Variants in CBLB observed in about 807,000 individuals in gnomAD.
CBLB encodes the protein E3 ubiquitin-protein ligase CBL-B.
In CBLB, 31 loss-of-function variants were observed where a neutral mutation model predicts 104.9. The observed-to-expected ratio is 0.30, with a 90% CI of 0.22 to 0.40. The LOEUF is 0.40. Ranked by LOEUF, CBLB falls within the 10% of genes least tolerant of loss-of-function variation. CBLB has a pLI of 1.00. For synonymous variants in CBLB, 440 were observed against 422.6 expected (o/e 1.04, Z -0.51); for missense variants, 1,062 against 1,214.6 (o/e 0.87, Z 1.87).
At chr3:105,802,834 A>G (rs1214261274) in intron 3 of CBLB, among the ~76,000 whole-genome samples, 1 of 152,230 alleles carries the variant, frequency 6.6e-6, no homozygotes, top group Non-Finnish European at 1.5e-5. Flanking sequence ...AATTGTAATG[A>G]AGTTAGCAAA....
At chr3:105,793,866 G>A (rs2081967918) in intron 3 of CBLB, among the ~76,000 whole-genome samples, 1 of 145,756 alleles carries the variant, frequency 6.9e-6, no homozygotes, top group African/African-American at 2.6e-5. Flanking sequence ...AAAAAAGGGT[G>A]ACAAAGAAGC....
At chr3:105,660,018 A>G (rs2063630178) in intron 18 of CBLB, among the ~76,000 whole-genome samples, 1 of 152,172 alleles carries the variant, frequency 6.6e-6, no homozygotes, top group Non-Finnish European at 1.5e-5. Context: ...ACAGCCTCCA[A>G]TTTAAACCAA....
chr3:105,701,941 G>A (rs58943889), intron 12 of CBLB, among the ~76,000 whole-genome samples, 153 bp downstream of exon 12: 467 of 152,062 alleles, frequency 3.1e-3, no homozygotes, highest in African/African-American at 0.011. Context: ...AAGTTTTAAT[G>A]AGCTTCTGAT....
At chr3:105,852,875 G>A (rs1466715710) in intron 3 of CBLB, among the ~76,000 whole-genome samples, 3 of 151,926 alleles carry the variant, frequency 2.0e-5, no homozygotes, top group Admixed American at 6.6e-5. Flanking sequence ...GTGCCACCAC[G>A]CCGGGCTAAT....
chr3:105,702,347 T>C lies in CBLB; in HGVS notation c.1706A>G (p.Asn569Ser), dbSNP rs1305915547. Residue 569 changes from asparagine to serine, a missense_variant, in exon 12 of 19, where the codon AAT becomes AGT. By Grantham distance (46) the Asn-to-Ser change is conservative. Transcript: ENST00000394030. Reference protein sequence around the residue: ...PERPPPIPPDNRLSRHIHHVE... With the variant: ...PERPPPIPPDSRLSRHIHHVE... ...ATGATGGATGTGTCTACTCAGTCTA[T>C]TGTCTGGTGGGATTGGTGGAGGTCT... 2.5e-6 allele frequency: 4 copies of C among 1,613,674 alleles called. No homozygotes were observed. The highest frequency in any genetic ancestry group is 1.7e-5 in the Admixed American group (1 of 59,966).
chr3:105,721,437 A>C (rs2072804173), intron 9 of CBLB, among the ~76,000 whole-genome samples: 1 of 152,176 alleles, frequency 6.6e-6, no homozygotes, highest in African/African-American at 2.4e-5. Flanking sequence ...ATTCTTTCTA[A>C]GTCTCAGTCA....
chr3:105,783,116 G>T (rs1202894610), intron 3 of CBLB, among the ~76,000 whole-genome samples: 1 of 152,094 alleles, frequency 6.6e-6, no homozygotes, highest in Non-Finnish European at 1.5e-5. Context: ...AATTTTTCTA[G>T]TATCTTACAT....
intron 11 of CBLB, among the ~76,000 whole-genome samples, chr3:105,703,183 G>A (rs567962733): frequency 6.6e-6 from 1 of 152,210 alleles, no homozygotes; most frequent in South Asian, 2.1e-4. Flanking sequence ...TGATTGATTT[G>A]TAATTTTAAT....
rs143777344 is a variant in CBLB, at chr3:105,853,440, T to G, written c.393A>C (p.Arg131Ser). Residue 131 changes from arginine to serine, a missense_variant, in exon 3 of 19, where the codon AGA (arginine) becomes AGC (serine). Transcript: ENST00000394030. Reference sequence around the variant, plus strand: ...TGTCCTGTGACTGTTCTTCATACATTCTCTCCTTGCCTTCTTTAAAGAGTC... The same window carrying G: ...TGTCCTGTGACTGTTCTTCATACATGCTCTCCTTGCCTTCTTTAAAGAGTC... The part of the protein sequence containing the change: ...AIRLFKEGKE[R>S]MYEEQSQDRR... The G allele has an allele frequency of 1.2e-6, 2 of 1,613,632 alleles. No individual in the cohort carries two copies. Among genetic ancestry groups the G allele is most frequent in the Non-Finnish European group, 1.7e-6 (2 of 1,179,778 alleles).
chr3:105,798,082 C>T (rs1383203966), intron 3 of CBLB, among the ~76,000 whole-genome samples: 1 of 152,232 alleles, frequency 6.6e-6, no homozygotes, highest in African/African-American at 2.4e-5. Context: ...AGTAGGAACA[C>T]ATTTAGTTTT....
At chr3:105,795,709 T>C (rs1267956402) in intron 3 of CBLB, among the ~76,000 whole-genome samples, 1 of 152,196 alleles carries the variant, frequency 6.6e-6, no homozygotes, top group Non-Finnish European at 1.5e-5. Flanking sequence ...TTTTCATCTT[T>C]TATGGTGAAT....
At position 105,670,273 on chromosome 3, in the gene CBLB, G is replaced by A. The variant is rs2064927665; in HGVS notation, c.2649C>T (p.Asn883=). The change falls in exon 18 of 19, where the codon AAC becomes AAT. Residue 883 remains asparagine, a synonymous_variant. Coordinates refer to ENST00000394030, the MANE Select transcript of CBLB (RefSeq NM_170662.5). ...RRLPGENVKT[N]RTSQDYDQLP... ...GCTGATCATAGTCCTGTGATGTTCT[G>A]TTAGTTTTGACATTTTCACCTGGTA... 1.2e-6 allele frequency: 2 copies of A among 1,613,016 alleles called. No homozygotes were observed. The highest frequency in any genetic ancestry group is 1.3e-5 in the African/African-American group (1 of 74,856).
chr3:105,780,648 G>GTTTTTTTTTTTTTT (rs1553788866), intron 3 of CBLB, among the ~76,000 whole-genome samples: 1 of 105,054 alleles, frequency 9.5e-6, no homozygotes, highest in Admixed American at 1.2e-4. Context: ...TACAATAAAA[G>GTTTTTTTTTTTTTT]TTTTGTTTTT....
chr3:105,713,852 T>C (rs1403715276), intron 10 of CBLB, among the ~76,000 whole-genome samples: 2 of 152,290 alleles, frequency 1.3e-5, no homozygotes, highest in Middle Eastern at 3.4e-3. Context: ...AGAATAATTC[T>C]TTTGGGTAGG....
At chr3:105,724,784 C>G (rs983299143) in intron 9 of CBLB, among the ~76,000 whole-genome samples, 1 of 152,000 alleles carries the variant, frequency 6.6e-6, no homozygotes, top group Admixed American at 6.5e-5. Flanking sequence ...ACAATAATAA[C>G]TAAAATTCCA....
intron 17 of CBLB, among the ~76,000 whole-genome samples, chr3:105,675,515 A>C (rs1365577135): frequency 3.3e-5 from 5 of 152,194 alleles, no homozygotes; most frequent in Non-Finnish European, 5.9e-5. Flanking sequence ...TTAAAATATT[A>C]AAATATTTCT....
chr3:105,793,031 G>A (rs1356771521), intron 3 of CBLB, among the ~76,000 whole-genome samples: 1 of 152,072 alleles, frequency 6.6e-6, no homozygotes, highest in African/African-American at 2.4e-5. Flanking sequence ...TAATTAAAGA[G>A]CAATCAGGGC....
chr3:105,741,419 A>G (rs13061160), intron 6 of CBLB, among the ~76,000 whole-genome samples: 29,506 of 149,300 alleles, frequency 0.2, 3,085 homozygotes, highest in Admixed American at 0.25. Flanking sequence ...TTTTTGAGAC[A>G]GAGTCTTGCT....
At chr3:105,679,627 T>A (rs1278977842) in intron 16 of CBLB, among the ~76,000 whole-genome samples, 1 of 151,922 alleles carries the variant, frequency 6.6e-6, no homozygotes, top group Non-Finnish European at 1.5e-5. Flanking sequence ...ATACAAAAAA[T>A]TAGCCGGGCA....
Sources: gnomAD v4.1 joint callset for allele counts (sites outside exome capture counted in the v4.1 genomes callset) on GRCh38, gnomAD v4.1.1 for gene constraint, MANE v1.5 for transcripts, NCBI Gene and HGNC (gene_info 2026-07-23, HGNC 2026-07-21) for gene names.